WWC2: variants seen among roughly 807,000 people sequenced by gnomAD.
WWC2 encodes WW and C2 domain containing 2, also known as protein WWC2.
Under a neutral mutation model 138.5 loss-of-function variants are expected in WWC2, and 101 were observed. The ratio of observed to expected loss-of-function variants is 0.73; its 90% CI spans 0.62 to 0.86. The LOEUF (loss-of-function observed/expected upper bound fraction) is 0.86, where lower values mean the gene tolerates loss of function less well. WWC2 is among the 40% of genes least tolerant of loss of function. WWC2 has a pLI of 0.00. For synonymous variants in WWC2, 558 were observed against 538.4 expected, an observed-to-expected ratio of 1.04 and a Z score of -0.50; for missense variants, 1,420 against 1,419.4, an observed-to-expected ratio of 1.00 and a Z score of -0.01.
chr4:183,295,045 T>C (rs1738590353), intron 21 of WWC2, among the ~76,000 whole-genome samples: 1 of 151,756 alleles, frequency 6.6e-6, no homozygotes, highest in East Asian at 1.9e-4. Flanking sequence ...TGTCCTTTAA[T>C]GAGCCAGTCA....
chr4:183,261,141 T>A lies in WWC2; in HGVS notation c.1518T>A (p.His506Gln), dbSNP rs747407404. ...YIPSGPITTI[H>Q]ENEVVKSPSQ... Reference sequence around the variant, plus strand: ...CTTCTGGACCCATCACCACCATCCATGAAAACGAGGTGGTCAAGTCCCCTA... The same window carrying A: ...CTTCTGGACCCATCACCACCATCCAAGAAAACGAGGTGGTCAAGTCCCCTA... The change falls in exon 11 of 23, where the codon CAT (histidine) becomes CAA (glutamine). Residue 506 changes from histidine (H) to glutamine (Q), a missense_variant. Coordinates refer to ENST00000403733, the MANE Select transcript of WWC2 (RefSeq NM_024949.6). The A allele has an allele frequency of 6.2e-7, 1 of 1,613,856 alleles. No homozygotes were observed. The highest frequency in any genetic ancestry group is 8.5e-7 in the Non-Finnish European group (1 of 1,179,882).
At chr4:183,287,064 G>A (rs1212462559) in intron 20 of WWC2, among the ~76,000 whole-genome samples, 2 of 152,118 alleles carry the variant, frequency 1.3e-5, no homozygotes, top group East Asian at 1.9e-4. Flanking sequence ...CACTGTGGAC[G>A]GGAGGATCAG....
Position 183,226,152 on chromosome 4 carries a change from A to G in WWC2, c.523-14031A>G, listed in dbSNP as rs150792303. On this transcript the variant is annotated intron_variant, in intron 4 of 22. Transcript: ENST00000403733. ...CGGCTCTGTCATTCAGGCTGAGTGC[A>G]GTGGTGGAATCACGGCTCGCTGCAG... Among the ~76,000 whole-genome samples, 44 of 139,218 alleles carry G rather than the reference A, an allele frequency of 3.2e-4. 1 individual carries two copies. In the East Asian group the frequency reaches 8.9e-3, roughly 28 times the overall value. 91.3% of individuals were successfully genotyped at this position (139,218 alleles called of 152,430 possible). A position where few individuals can be genotyped will look rare whatever the true frequency, so the allele number is the denominator to read the frequency against.
At chr4:183,256,932 A>G (rs577737603) in intron 9 of WWC2, among the ~76,000 whole-genome samples, 3 of 125,024 alleles carry the variant, frequency 2.4e-5, no homozygotes, top group African/African-American at 9.2e-5. Context: ...ACAGGGCTGC[A>G]GTGTCGCCCA....
chr4:183,121,777 T>C (rs1445981853), intron 1 of WWC2, among the ~76,000 whole-genome samples: 1 of 151,830 alleles, frequency 6.6e-6, no homozygotes, highest in African/African-American at 2.4e-5. Flanking sequence ...TTTTCACTTG[T>C]TAAGAAGCTT....
chr4:183,300,595 A>T (rs1306502145), intron 21 of WWC2, among the ~76,000 whole-genome samples: 1 of 152,138 alleles, frequency 6.6e-6, no homozygotes, highest in Non-Finnish European at 1.5e-5. Context: ...TTAGCAGCTG[A>T]TAATAATTCT....
chr4:183,192,526 A>G (rs774423972), intron 1 of WWC2, among the ~76,000 whole-genome samples: 7 of 152,208 alleles, frequency 4.6e-5, no homozygotes, highest in Admixed American at 6.5e-5. Context: ...TTGGAGGACT[A>G]TTGCAGAGCA....
chr4:183,261,848 A>C (rs543395589), intron 11 of WWC2, among the ~76,000 whole-genome samples: 1 of 152,366 alleles, frequency 6.6e-6, no homozygotes, highest in African/African-American at 2.4e-5. Context: ...GTTCTGAAAT[A>C]GCAAGGCAAA....
Position 183,269,183 on chromosome 4 carries a change from C to G in WWC2, c.2400+20C>G. On this transcript the variant is annotated intron_variant, in intron 15 of 22. Transcript: ENST00000403733. Reference sequence around the variant, plus strand: ...TGCCTGGTAGGATTCTTCATAATTCCCATTACCAAATAGCACTTAGATTGG... The same window carrying G: ...TGCCTGGTAGGATTCTTCATAATTCGCATTACCAAATAGCACTTAGATTGG... The G allele has an allele frequency of 6.4e-7, 1 of 1,559,574 alleles. No individual in the cohort carries two copies. The highest frequency in any genetic ancestry group is 8.6e-7 in the Non-Finnish European group (1 of 1,157,198).
At chr4:183,111,857 G>T (rs953044639) in intron 1 of WWC2, among the ~76,000 whole-genome samples, 1 of 151,796 alleles carries the variant, frequency 6.6e-6, no homozygotes, top group African/African-American at 2.4e-5. Context: ...ACAACACCTG[G>T]CTAAGTTTTT....
At position 183,208,180 on chromosome 4, in the gene WWC2, A is replaced by T. The variant is rs778476632; in HGVS notation, c.445+24A>T. Reference sequence around the variant, plus strand: ...CTGTAAGTACAGTGTGGCTATTCAGACTTTGGAAGTGGAGACTGAATTGTA... The same window carrying T: ...CTGTAAGTACAGTGTGGCTATTCAGTCTTTGGAAGTGGAGACTGAATTGTA... On this transcript the variant is annotated intron_variant, in intron 3 of 22. Transcript: ENST00000403733. 11 of 1,610,770 alleles carry T rather than the reference A, an allele frequency of 6.8e-6. No individual in the cohort carries two copies. In the South Asian group the frequency reaches 1.1e-4, roughly 16 times the overall value.
intron 2 of WWC2, among the ~76,000 whole-genome samples, chr4:183,206,553 T>G (rs1735452319): frequency 6.6e-6 from 1 of 152,234 alleles, no homozygotes; most frequent in Non-Finnish European, 1.5e-5. Context: ...TAACATAGTT[T>G]AACAAATATT....
chr4:183,238,444 T>C (rs1736498584), intron 4 of WWC2, among the ~76,000 whole-genome samples: 1 of 152,180 alleles, frequency 6.6e-6, no homozygotes, highest in African/African-American at 2.4e-5. Context: ...AAGCAGGTCT[T>C]GCTTTAATCT....
At chr4:183,184,098 T>C (rs1039515683) in intron 1 of WWC2, among the ~76,000 whole-genome samples, 1 of 152,196 alleles carries the variant, frequency 6.6e-6, no homozygotes, top group Non-Finnish European at 1.5e-5. Flanking sequence ...TTCAGAACAT[T>C]GTCATCCTCC....
chr4:183,215,453 A>C (rs1735728229), intron 4 of WWC2, among the ~76,000 whole-genome samples: 1 of 152,322 alleles, frequency 6.6e-6, no homozygotes, highest in Middle Eastern at 3.4e-3. Context: ...CGCAAGAAAA[A>C]AAAAAGCAAG....
chr4:183,221,703 A>G lies in WWC2; in HGVS notation c.522+12678A>G, dbSNP rs1189204910. On this transcript the variant is annotated intron_variant, in intron 4 of 22. Transcript: ENST00000403733. ...AACATTTAAAAATATTTTGAACTAA[A>G]TAAAAGGGAAAATACACTGTATAAA... Among the ~76,000 whole-genome samples the G allele has an allele frequency of 2.0e-5, 3 of 152,236 alleles. No homozygotes were observed. In the East Asian group the frequency reaches 5.8e-4, roughly 29 times the overall value.
At chr4:183,116,820 GT>G (rs1409799718) in intron 1 of WWC2, among the ~76,000 whole-genome samples, 4 of 152,282 alleles carry the variant, frequency 2.6e-5, no homozygotes, top group Admixed American at 2.0e-4. Context: ...TATAGGCTCT[GT>G]TTAGTTAAAT....
intron 4 of WWC2, among the ~76,000 whole-genome samples, chr4:183,221,442 A>G (rs998954548): frequency 6.6e-6 from 1 of 152,252 alleles, no homozygotes; most frequent in African/African-American, 2.4e-5. Flanking sequence ...ATAAAATAGA[A>G]CACACCATTT....
chr4:183,111,263 T>G (rs1732222739), intron 1 of WWC2, among the ~76,000 whole-genome samples: 1 of 152,066 alleles, frequency 6.6e-6, no homozygotes, highest in Non-Finnish European at 1.5e-5. Context: ...AAATTCTGAC[T>G]TACTAATGGA....
Sources: gnomAD v4.1 joint callset for allele counts (sites outside exome capture counted in the v4.1 genomes callset) on GRCh38, gnomAD v4.1.1 for gene constraint, MANE v1.5 for transcripts, NCBI Gene and HGNC (gene_info 2026-07-23, HGNC 2026-07-21) for gene names.